Variants in FSCN2 observed in about 807,000 individuals in gnomAD.
FSCN2 encodes the protein fascin-2.
Under a neutral mutation model 37.8 loss-of-function variants are expected in FSCN2, and 46 were observed. The observed-to-expected ratio is 1.22, with a 90% confidence interval of 0.96 to 1.56. The LOEUF is 1.56. FSCN2 is among the 40% of genes most tolerant of loss of function. FSCN2 has a pLI of 0.00. For synonymous variants in FSCN2, 351 were observed against 309.4 expected (o/e 1.13, Z -1.41); for missense variants, 844 against 730.4 (o/e 1.16, Z -1.79).
intron 1 of FSCN2, among the ~76,000 whole-genome samples, chr17:81,534,835 G>A (rs978865088): frequency 1.3e-5 from 2 of 151,684 alleles, no homozygotes; most frequent in Non-Finnish European, 2.9e-5. Context: ...GGAGGTCAGG[G>A]CTCCCTTGGG....
Position 81,537,073 on chromosome 17 carries a change from A to T in FSCN2, c.1472A>T (p.Glu491Val). ...ADAPAGTALW[E>V]Y ...GCCCCGGCCGGGACCGCGCTTTGGG[A>T]GTACTGAGGCCGCGCCCAGACCAGC... The change falls in exon 5 of 5, where the codon GAG becomes GTG. Residue 491 changes from glutamate to valine, a missense_variant. Transcript: ENST00000417245. 6.9e-7 allele frequency: 1 copy of T among 1,447,786 alleles called. No individual in the cohort carries two copies. The highest frequency in any genetic ancestry group is 2.9e-5 in the Admixed American group (1 of 34,986). 89.7% of individuals were successfully genotyped at this position (1,447,786 alleles called of 1,614,324 possible).
the FSCN2 span, among the ~76,000 whole-genome samples, chr17:81,518,471 C>T: frequency 7.2e-5 from 11 of 152,118 alleles, no homozygotes; most frequent in African/African-American, 2.7e-4. Flanking sequence ...AGTTCCCAGC[C>T]CTGGAGGAGG....
At chr17:81,529,408 C>A in intron 1 of FSCN2, 51 bp downstream of exon 1, 1 of 1,371,270 alleles carries the variant, frequency 7.3e-7, no homozygotes, top group Non-Finnish European at 1.0e-6. Flanking sequence ...GACCCCCCTG[C>A]TTCAGGGAGG....
chr17:81,528,200 C>A (rs1440233266), upstream of FSCN2, among the ~76,000 whole-genome samples: 1 of 152,202 alleles, frequency 6.6e-6, no homozygotes, highest in South Asian at 2.1e-4. Flanking sequence ...CCCTCCAGCC[C>A]CGTAGGCCCT....
At chr17:81,532,121 GGTGATGATA>G (rs2032674792) in intron 1 of FSCN2, among the ~76,000 whole-genome samples, 4 of 127,892 alleles carry the variant, frequency 3.1e-5, no homozygotes, top group African/African-American at 1.2e-4. Context: ...TGGCGATGAT[GGTGATGATA>G]GTGATGGTGA....
At chr17:81,528,349 A>G, upstream of FSCN2, 3 of 581,566 alleles carry the variant, frequency 5.2e-6, no homozygotes, top group Non-Finnish European at 9.2e-6. Flanking sequence ...GGGCCCTCTA[A>G]GAGCTGCCCA....
chr17:81,531,595 T>TA (rs1158681317), intron 1 of FSCN2, among the ~76,000 whole-genome samples: 2 of 134,810 alleles, frequency 1.5e-5, no homozygotes, highest in African/African-American at 5.8e-5. Flanking sequence ...GTGATGGTGA[T>TA]AGTGATGATA....
chr17:81,532,657 TGATGATGGA>T (rs1245426392), intron 1 of FSCN2, among the ~76,000 whole-genome samples: 3 of 151,082 alleles, frequency 2.0e-5, no homozygotes, highest in Non-Finnish European at 4.4e-5. Context: ...GTGGTGATGG[TGATGATGGA>T]GGCAATGGTG....
intron 2 of FSCN2, among the ~76,000 whole-genome samples, chr17:81,535,842 C>T (rs1416185101): frequency 1.8e-5 from 2 of 113,568 alleles, no homozygotes; most frequent in African/African-American, 8.8e-5. Flanking sequence ...CATCCCCATC[C>T]CCATCTCCAT....
At position 81,528,813 on chromosome 17, in the gene FSCN2, G is replaced by T; in HGVS notation, c.282G>T (p.Pro94=). Reference sequence around the variant, plus strand: ...GTGACTGCCGCTTCCTGGTCCTGCCGCAGCCAGATGGGCGCTGGGTGCTGC... The same window carrying T: ...GTGACTGCCGCTTCCTGGTCCTGCCTCAGCCAGATGGGCGCTGGGTGCTGC... ...PGRDCRFLVL[P]QPDGRWVLRS... The change falls in exon 1 of 5, where the codon CCG becomes CCT. Residue 94 remains proline (P), a synonymous_variant. Coordinates refer to ENST00000417245, the MANE Select transcript of FSCN2 (RefSeq NM_012418.4). The T allele has an allele frequency of 6.4e-7, 1 of 1,560,528 alleles. No individual in the cohort carries two copies.
intron 3 of FSCN2, 26 bp downstream of exon 3, chr17:81,536,293 G>A (rs1390068292): frequency 1.9e-6 from 3 of 1,581,750 alleles, no homozygotes; most frequent in African/African-American, 1.3e-5. Flanking sequence ...GCCAGGTACT[G>A]GGGCAGGGGC....
the FSCN2 span, among the ~76,000 whole-genome samples, chr17:81,517,733 G>A: frequency 6.6e-6 from 1 of 151,228 alleles, no homozygotes. Flanking sequence ...CCTGGCCATT[G>A]TGGACCCCAC....
Position 81,528,980 on chromosome 17 carries a change from G to C in FSCN2, c.449G>C (p.Arg150Pro). The part of the protein sequence containing the change: ...QAHLLSVSRR[R>P]YVHLCPREDE... The stretch of plus-strand genomic sequence containing the variant: ...CACCTGCTGAGCGTGAGCCGGCGGC[G>C]CTACGTGCACCTGTGCCCGCGGGAG... The change falls in exon 1 of 5, where the codon CGC becomes CCC. Residue 150 changes from arginine (R) to proline (P), a missense_variant. Physicochemically the swap from Arg to Pro is moderately radical, Grantham distance 103. Coordinates refer to ENST00000417245, the MANE Select transcript of FSCN2 (RefSeq NM_012418.4). The C allele has an allele frequency of 6.3e-7, 1 of 1,585,820 alleles. No individual in the cohort carries two copies. The highest frequency in any genetic ancestry group is 8.5e-7 in the Non-Finnish European group (1 of 1,170,934).
At chr17:81,525,575 A>G (rs370629713), upstream of FSCN2, among the ~76,000 whole-genome samples, 507 of 143,852 alleles carry the variant, frequency 3.5e-3, no homozygotes, top group Non-Finnish European at 6.2e-3. Flanking sequence ...TACAAAAAAA[A>G]TTAGCTGGGT....
At chr17:81,531,843 GTGATGGTGATGGTGGTGATGGCGA>G (rs2032643500) in intron 1 of FSCN2, among the ~76,000 whole-genome samples, 1 of 93,080 alleles carries the variant, frequency 1.1e-5, no homozygotes, top group African/African-American at 6.4e-5. Flanking sequence ...GGTGATGGTG[GTGATGGTGATGGTGGTGATGGCGA>G]TGATGGTGAT....
At position 81,536,132 on chromosome 17, in the gene FSCN2, G is replaced by C; in HGVS notation, c.984-14G>C. On this transcript the variant is annotated splice_polypyrimidine_tract_variant and intron_variant, in intron 2 of 4. Coordinates refer to ENST00000417245, the MANE Select transcript of FSCN2 (RefSeq NM_012418.4). Reference sequence around the variant, plus strand: ...TCCTGCTGTCCTGAGGAGACCTTTTGCTGCTCCCTCCAGTTCTGCCAACAC... The same window carrying C: ...TCCTGCTGTCCTGAGGAGACCTTTTCCTGCTCCCTCCAGTTCTGCCAACAC... The C allele has an allele frequency of 6.2e-7, 1 of 1,605,366 alleles. No homozygotes were observed. Among genetic ancestry groups the C allele is most frequent in the South Asian group, 1.1e-5 (1 of 89,354 alleles).
At chr17:81,523,771 C>T (rs1555669750), upstream of FSCN2, 1 of 152,356 alleles carries the variant, frequency 6.6e-6, no homozygotes, top group East Asian at 1.9e-4. Context: ...GCGTGGTCCT[C>T]AGCCGCGGGG....
intron 1 of FSCN2, among the ~76,000 whole-genome samples, chr17:81,529,958 C>T (rs782413590): frequency 7.3e-4 from 111 of 152,300 alleles, no homozygotes; most frequent in Non-Finnish European, 1.2e-3. Flanking sequence ...TACAGGCGCC[C>T]GCCACCACGC....
chr17:81,537,084 C>A lies in FSCN2; in HGVS notation c.*4C>A. The stretch of plus-strand genomic sequence containing the variant: ...GACCGCGCTTTGGGAGTACTGAGGC[C>A]GCGCCCAGACCAGCCTGTCGCGCAT... On this transcript the variant is annotated 3_prime_UTR_variant, in exon 5 of 5. Transcript: ENST00000417245. 7.0e-7 allele frequency: 1 copy of A among 1,431,894 alleles called. No individual in the cohort carries two copies. Among genetic ancestry groups the A allele is most frequent in the Non-Finnish European group, 9.1e-7 (1 of 1,099,240 alleles). 88.7% of individuals were successfully genotyped at this position (1,431,894 alleles called of 1,614,324 possible). A position where few individuals can be genotyped will look rare whatever the true frequency, so the allele number is the denominator to read the frequency against.
Sources: allele counts gnomAD v4.1 joint callset (sites outside exome capture counted in the v4.1 genomes callset), GRCh38; gene constraint gnomAD v4.1.1; transcripts MANE v1.5; gene names NCBI Gene and HGNC (gene_info 2026-07-23, HGNC 2026-07-21).